Variants in INTS3 observed in about 807,000 individuals in gnomAD.
INTS3 encodes the protein integrator complex subunit 3, also known as SOSS complex subunit A.
INTS3 carries 34 observed loss-of-function variants against 146.3 expected under a neutral mutation model. The observed-to-expected ratio is 0.23, with a 90% CI of 0.18 to 0.31. INTS3 has a LOEUF of 0.31. Among genes scored for constraint, INTS3 ranks in the 10% least tolerant of loss-of-function variants. INTS3 has a pLI of 1.00. For missense variants in INTS3, 757 were observed against 1,304.2 expected (o/e 0.58, Z 6.46); for synonymous variants, 475 against 494.9 (o/e 0.96, Z 0.53).
intron 3 of INTS3, 104 bp downstream of exon 3, chr1:153,741,472 C>A: frequency 1.2e-6 from 1 of 825,680 alleles, no homozygotes; most frequent in Non-Finnish European, 2.1e-6. Flanking sequence ...TCGACCAGAG[C>A]TGGATCACCT....
chr1:153,757,562 C>A lies in INTS3; in HGVS notation c.958-10C>A. On this transcript the variant is annotated splice_polypyrimidine_tract_variant and intron_variant, in intron 9 of 29. Coordinates refer to ENST00000318967, the MANE Select transcript of INTS3 (RefSeq NM_023015.5). This position sits in a 1 kb window ranked among gnomAD's most constrained non-coding sequence, Gnocchi z 4.0. ...TTCTAAGGTCTTTTTCTTGCTTCCC[C>A]TTTCCCCAGGTGCGATTTGGTCAAC... The A allele has an allele frequency of 6.2e-7, 1 of 1,611,738 alleles. No homozygotes were observed. Among genetic ancestry groups the A allele is most frequent in the East Asian group, 2.2e-5 (1 of 44,810 alleles).
intron 1 of INTS3, among the ~76,000 whole-genome samples, chr1:153,736,977 C>T (rs1040088245): frequency 6.6e-5 from 10 of 151,586 alleles, no homozygotes; most frequent in African/African-American, 2.2e-4. Flanking sequence ...CCTTGTTAGC[C>T]AGGATGGTCT....
At chr1:153,770,514 G>A (rs532365345) in intron 24 of INTS3, among the ~76,000 whole-genome samples, 171 bp from the exon 25 acceptor site, 1 of 152,308 alleles carries the variant, frequency 6.6e-6, no homozygotes, top group South Asian at 2.1e-4. Flanking sequence ...GCTCTGGGCT[G>A]GGGCTCAGGT....
intron 14 of INTS3, among the ~76,000 whole-genome samples, chr1:153,762,125 G>T (rs1672405987): frequency 6.6e-6 from 1 of 152,216 alleles, no homozygotes; most frequent in African/African-American, 2.4e-5. Context: ...TCTAAGTCAA[G>T]TAGTATTTTC....
chr1:153,733,497 C>T (rs1430276273), intron 1 of INTS3, among the ~76,000 whole-genome samples: 1 of 151,938 alleles, frequency 6.6e-6, no homozygotes, highest in Non-Finnish European at 1.5e-5. Flanking sequence ...AGGCGTGAGC[C>T]ACCGCACCCA....
intron 1 of INTS3, among the ~76,000 whole-genome samples, chr1:153,732,627 T>C (rs1671117604): frequency 6.6e-6 from 1 of 151,902 alleles, no homozygotes; most frequent in African/African-American, 2.4e-5. Flanking sequence ...TTTGCATTTT[T>C]AGTAGAGACG....
At chr1:153,760,086 G>T in intron 11 of INTS3, 1 of 581,102 alleles carries the variant, frequency 1.7e-6, no homozygotes, top group Non-Finnish European at 3.1e-6. Context: ...ACTGACTTTA[G>T]CCTGGCGTGG....
At chr1:153,758,031 T>G (rs985818170) in intron 10 of INTS3, among the ~76,000 whole-genome samples, 3 of 152,176 alleles carry the variant, frequency 2.0e-5, no homozygotes, top group Non-Finnish European at 4.4e-5. Flanking sequence ...CGTCCCTGCC[T>G]TTTTCATTTT....
At chr1:153,745,160 A>AG (rs1671679294) in intron 3 of INTS3, among the ~76,000 whole-genome samples, 1 of 108,376 alleles carries the variant, frequency 9.2e-6, no homozygotes, top group Non-Finnish European at 1.8e-5. Flanking sequence ...TCCTTGCTGT[A>AG]CTTTTTTTTT....
chr1:153,741,991 T>C (rs1199658188), intron 3 of INTS3, among the ~76,000 whole-genome samples: 4 of 152,188 alleles, frequency 2.6e-5, no homozygotes, highest in African/African-American at 9.6e-5. Context: ...CAGGGTGATC[T>C]CTTTGAATTC....
Position 153,748,635 on chromosome 1 carries a change from G to A in INTS3, c.518-54G>A, listed in dbSNP as rs541889966. 63 of 1,423,654 alleles carry A rather than the reference G, an allele frequency of 4.4e-5. No homozygotes were observed. The South Asian group carries it at 7.1e-4, about 16-fold the overall frequency. 88.2% of individuals were successfully genotyped at this position (1,423,654 alleles called of 1,614,324 possible). A position where few individuals can be genotyped will look rare whatever the true frequency, so the allele number is the denominator to read the frequency against. Reference sequence around the variant, plus strand: ...AGCAGAATGGGTGAAGAGATGTATTGGATTGGCTGACTTGCTAATCGGAGC... The same window carrying A: ...AGCAGAATGGGTGAAGAGATGTATTAGATTGGCTGACTTGCTAATCGGAGC... On this transcript the variant is annotated intron_variant, in intron 5 of 29. Coordinates refer to ENST00000318967, the MANE Select transcript of INTS3 (RefSeq NM_023015.5).
intron 14 of INTS3, 31 bp from the exon 15 acceptor site, chr1:153,762,697 A>G (rs1672430647): frequency 6.2e-7 from 1 of 1,613,610 alleles, no homozygotes; most frequent in Non-Finnish European, 8.5e-7. Context: ...CCAGGAGGCC[A>G]TTAAATGCCT....
chr1:153,747,239 C>G (rs1262099270), intron 4 of INTS3, 40 bp from the exon 5 acceptor site: 2 of 1,564,214 alleles, frequency 1.3e-6, no homozygotes, highest in Non-Finnish European at 1.8e-6. Context: ...CTCAAACTCA[C>G]AGTTCCTGCT....
intron 12 of INTS3, 56 bp downstream of exon 12, chr1:153,760,446 T>C (rs1216867352): frequency 7.3e-7 from 1 of 1,375,522 alleles, no homozygotes; most frequent in African/African-American, 1.4e-5. Context: ...ATTCAGTGTA[T>C]CTCCCCTAAT....
chr1:153,772,702 A>G lies in INTS3; in HGVS notation c.2885A>G (p.His962Arg). Reference sequence around the variant, plus strand: ...GTCCAAGCGAGCTGTGACGAAGCCCACAAGATGAAGTGAGGCTCCTGCCAC... The same window carrying G: ...GTCCAAGCGAGCTGTGACGAAGCCCGCAAGATGAAGTGAGGCTCCTGCCAC... ...QHVQASCDEA[H>R]KMKFSDLFSL... The change falls in exon 28 of 30, where the codon CAC becomes CGC. Residue 962 changes from histidine (H) to arginine (R), a missense_variant. Transcript: ENST00000318967. This position sits in a 1 kb window ranked among gnomAD's most constrained non-coding sequence, Gnocchi z 4.6. 3 of 1,613,830 alleles carry G rather than the reference A, an allele frequency of 1.9e-6. No individual in the cohort carries two copies. The highest frequency in any genetic ancestry group is 2.5e-6 in the Non-Finnish European group (3 of 1,179,786).
At position 153,757,196 on chromosome 1, in the gene INTS3, T is replaced by C. The variant is rs1175721466; in HGVS notation, c.958-376T>C. ...ACCCAGCTCTTACTCTTGAAGAACA[T>C]TTCTTGCTGTTCACCAGTGGCTCAA... On this transcript the variant is annotated intron_variant, in intron 9 of 29. Coordinates refer to ENST00000318967, the MANE Select transcript of INTS3 (RefSeq NM_023015.5). The surrounding 1 kb of genome is among the most constrained non-coding windows in gnomAD (Gnocchi z 4.0). 6.6e-6 allele frequency among the ~76,000 whole-genome samples: 1 copy of C among 152,196 alleles called. No homozygotes were observed. The highest frequency in any genetic ancestry group is 2.4e-5 in the African/African-American group (1 of 41,458).
chr1:153,772,174 CCT>C lies in INTS3; in HGVS notation c.2721-165_2721-164del, dbSNP rs1157295365. On this transcript the variant is annotated intron_variant, in intron 26 of 29. Coordinates refer to ENST00000318967, the MANE Select transcript of INTS3 (RefSeq NM_023015.5). This position sits in a 1 kb window ranked among gnomAD's most constrained non-coding sequence, Gnocchi z 4.6. The stretch of plus-strand genomic sequence containing the variant: ...TCCAGTGCCCCTGTGGCCAGGATCC[CCT>C]GTTCTAGGCACACCTTTCTCACCCA... 6.6e-6 allele frequency among the ~76,000 whole-genome samples: 1 copy of C among 152,166 alleles called. No homozygotes were observed. The highest frequency in any genetic ancestry group is 2.4e-5 in the African/African-American group (1 of 41,434).
intron 4 of INTS3, 53 bp downstream of exon 4, chr1:153,747,123 T>C: frequency 1.4e-6 from 2 of 1,414,614 alleles, no homozygotes; most frequent in Non-Finnish European, 2.0e-6. Context: ...GGATGGATCT[T>C]CTCTCTGTCA....
In INTS3 at chr1:153,748,446, C is replaced by T. The variant is rs1330790407; in HGVS notation, c.518-243C>T. On this transcript the variant is annotated intron_variant, in intron 5 of 29. Transcript: ENST00000318967. ...GCCAAAATGTTCCCACTCCAACTCA[C>T]AATCTGTGGGAAAGTAGCAGCTCTG... The T allele has an allele frequency of 1.5e-5, 8 of 547,566 alleles. No homozygotes were observed. In the East Asian group the frequency reaches 2.5e-4, roughly 17 times the overall value. 33.9% of individuals were successfully genotyped at this position (547,566 alleles called of 1,614,324 possible).
Sources: allele counts gnomAD v4.1 joint callset (sites outside exome capture counted in the v4.1 genomes callset), GRCh38; gene constraint gnomAD v4.1.1; non-coding constraint Gnocchi (gnomAD v3.1); transcripts MANE v1.5; gene names NCBI Gene and HGNC (gene_info 2026-07-23, HGNC 2026-07-21).